The following DIS3L variants were observed in gnomAD, a reference collection of about 807,000 sequenced individuals.
The protein encoded by DIS3L is DIS3 like exosome 3'-5' exoribonuclease.
A neutral mutation model predicts 120.3 loss-of-function variants in DIS3L; 100 were observed. The observed-to-expected ratio is 0.83, with a 90% CI of 0.71 to 0.98. The LOEUF (loss-of-function observed/expected upper bound fraction) is 0.98. DIS3L is among the 50% of genes least tolerant of loss of function. DIS3L has a pLI of 0.00. For missense variants in DIS3L, 1,196 were observed against 1,314.2 expected (o/e 0.91, Z 1.39); for synonymous variants, 426 against 470.6 (o/e 0.91, Z 1.23).
chr15:66,304,324 G>C (rs2092680931), intron 2 of DIS3L, among the ~76,000 whole-genome samples: 1 of 151,690 alleles, frequency 6.6e-6, no homozygotes. Flanking sequence ...ATAGTGGGGT[G>C]TGCCTGTAGT....
intron 2 of DIS3L, among the ~76,000 whole-genome samples, chr15:66,298,969 C>G (rs1468006028): frequency 1.3e-5 from 2 of 152,178 alleles, no homozygotes; most frequent in Non-Finnish European, 2.9e-5. Flanking sequence ...GACAAATGCA[C>G]TGAAGCACAG....
chr15:66,325,371 G>T (rs530945893), intron 11 of DIS3L, among the ~76,000 whole-genome samples: 1 of 152,168 alleles, frequency 6.6e-6, no homozygotes, highest in African/African-American at 2.4e-5. Flanking sequence ...TCCCACCTAG[G>T]CAACAGAGCA....
chr15:66,322,593 G>C (rs1436032726), intron 9 of DIS3L, 94 bp from the exon 10 acceptor site: 5 of 1,535,696 alleles, frequency 3.3e-6, no homozygotes, highest in Non-Finnish European at 4.4e-6. Flanking sequence ...GAGAATGAAT[G>C]AATTTCTATG....
chr15:66,303,812 C>T (rs1013978066), intron 2 of DIS3L, among the ~76,000 whole-genome samples: 2 of 152,086 alleles, frequency 1.3e-5, no homozygotes. Flanking sequence ...AGTGTGTAGG[C>T]CGGGCGCGGT....
chr15:66,314,618 G>A lies in DIS3L; in HGVS notation c.815-418G>A, dbSNP rs148716143. Among the ~76,000 whole-genome samples the A allele has an allele frequency of 2.8e-3, 421 of 152,254 alleles. 2 individuals carry two copies. Among genetic ancestry groups the A allele is most frequent in the African/African-American group, 9.8e-3 (407 of 41,550 alleles). On this transcript the variant is annotated intron_variant, in intron 6 of 16. Coordinates refer to ENST00000319212, the MANE Select transcript of DIS3L (RefSeq NM_001143688.3). Reference sequence around the variant, plus strand: ...AGAGAATGAGAAACTGGCTTTCTTCGGGCCCTTGCTCGTCAGCATTCCCCC... The same window carrying A: ...AGAGAATGAGAAACTGGCTTTCTTCAGGCCCTTGCTCGTCAGCATTCCCCC...
intron 7 of DIS3L, 50 bp from the exon 8 acceptor site, chr15:66,318,399 T>C (rs1202468730): frequency 6.9e-6 from 11 of 1,585,396 alleles, no homozygotes; most frequent in Middle Eastern, 3.5e-4. Flanking sequence ...AGAGTCCAGA[T>C]AGATGGCACC....
rs904749384 is a variant in DIS3L, at chr15:66,329,546, G to A, written c.2535+147G>A. On this transcript the variant is annotated intron_variant, in intron 14 of 16. Coordinates refer to ENST00000319212, the MANE Select transcript of DIS3L (RefSeq NM_001143688.3). ...CAGTGCTTTCAGAACATTTGTAGATGTTCTCAGGTAACTTGTGGATTTGGG... is the reference window on the plus strand; with the variant it reads ...CAGTGCTTTCAGAACATTTGTAGATATTCTCAGGTAACTTGTGGATTTGGG... The A allele has an allele frequency of 2.3e-6, 3 of 1,332,994 alleles. No individual in the cohort carries two copies. The African/African-American group carries it at 4.5e-5, about 20-fold the overall frequency. 82.6% of individuals were successfully genotyped at this position (1,332,994 alleles called of 1,614,324 possible).
In DIS3L at chr15:66,322,936, T is replaced by TA; in HGVS notation, c.1574+4dup. On this transcript the variant is annotated splice_region_variant and intron_variant, in intron 10 of 16. Coordinates refer to ENST00000319212, the MANE Select transcript of DIS3L (RefSeq NM_001143688.3). ...CATTGATATTGAAGCTAGAACAAGG[T>TA]AATGCTATTTGAAATCAGCTCTATG... The TA allele has an allele frequency of 1.2e-6, 2 of 1,613,904 alleles. No individual in the cohort carries two copies. The highest frequency in any genetic ancestry group is 1.7e-6 in the Non-Finnish European group (2 of 1,179,910).
At chr15:66,331,806 A>G (rs2093000417) in intron 14 of DIS3L, 69 bp from the exon 15 acceptor site, 2 of 1,400,052 alleles carry the variant, frequency 1.4e-6, no homozygotes, top group African/African-American at 1.5e-5. Flanking sequence ...ATTTGAATGA[A>G]TATGAATTTC....
At chr15:66,328,468 T>C (rs1407835408) in intron 12 of DIS3L, among the ~76,000 whole-genome samples, 1 of 152,098 alleles carries the variant, frequency 6.6e-6, no homozygotes, top group Non-Finnish European at 1.5e-5. Flanking sequence ...GGCAGGAGGA[T>C]CACTGAAGGC....
chr15:66,303,814 G>A (rs747129727), intron 2 of DIS3L, among the ~76,000 whole-genome samples: 55 of 152,192 alleles, frequency 3.6e-4, no homozygotes, highest in Admixed American at 9.8e-4. Flanking sequence ...TGTGTAGGCC[G>A]GGCGCGGTGG....
At chr15:66,294,033 C>G (rs946904405) in intron 1 of DIS3L, 1 of 987,836 alleles carries the variant, frequency 1.0e-6, no homozygotes, top group Non-Finnish European at 1.2e-6. Context: ...TCAGAGGGGC[C>G]TGAGGGCGCG....
intron 8 of DIS3L, 108 bp from the exon 9 acceptor site, chr15:66,320,463 C>A: frequency 1.6e-6 from 2 of 1,241,594 alleles, no homozygotes; most frequent in Non-Finnish European, 2.2e-6. Flanking sequence ...TGCACCTGGC[C>A]ACTCTCCTTG....
chr15:66,294,443 AT>A, intron 1 of DIS3L: 4 of 986,032 alleles, frequency 4.1e-6, no homozygotes, highest in Non-Finnish European at 4.8e-6. Flanking sequence ...AAACATTGTG[AT>A]TAAGGTGAAC....
intron 12 of DIS3L, 74 bp from the exon 13 acceptor site, chr15:66,328,896 A>C (rs2092966194): frequency 6.6e-7 from 1 of 1,519,790 alleles, no homozygotes; most frequent in Admixed American, 2.3e-5. Flanking sequence ...CGGATGAGTG[A>C]AGGGTTCCCC....
chr15:66,296,941 T>C (rs1297584351), intron 2 of DIS3L, among the ~76,000 whole-genome samples: 2 of 152,202 alleles, frequency 1.3e-5, no homozygotes, highest in Admixed American at 6.5e-5. Context: ...ACGTGGACTA[T>C]GCAAAGTGCA....
chr15:66,322,971 A>ATTT (rs1566954252), intron 10 of DIS3L, 37 bp downstream of exon 10: 2 of 1,605,636 alleles, frequency 1.2e-6, no homozygotes, highest in African/African-American at 1.3e-5. Context: ...GGTTGTGTGT[A>ATTT]TGTGACTGGA....
At chr15:66,320,371 G>A (rs756892196) in intron 8 of DIS3L, among the ~76,000 whole-genome samples, 200 bp from the exon 9 acceptor site, 14 of 151,874 alleles carry the variant, frequency 9.2e-5, no homozygotes, top group African/African-American at 1.7e-4. Context: ...CAAAGCATTG[G>A]GTCAAGCATT....
intron 14 of DIS3L, among the ~76,000 whole-genome samples, chr15:66,331,205 T>C (rs1693264649): frequency 2.0e-5 from 3 of 151,938 alleles, no homozygotes; most frequent in Admixed American, 2.0e-4. Context: ...GTCTTCCTTA[T>C]CAGTAGTGCT....
Sources: gnomAD v4.1 joint callset for allele counts (sites outside exome capture counted in the v4.1 genomes callset) on GRCh38, gnomAD v4.1.1 for gene constraint, MANE v1.5 for transcripts, NCBI Gene and HGNC (gene_info 2026-07-23, HGNC 2026-07-21) for gene names.